ANK2: variants seen among roughly 807,000 people sequenced by gnomAD.
ANK2 encodes the protein ankyrin-2.
In ANK2, 83 loss-of-function variants were observed where a neutral mutation model predicts 360.5. That is an observed-to-expected ratio of 0.23 (90% CI 0.19 to 0.28). ANK2 has a LOEUF of 0.28. Among genes scored for constraint, ANK2 ranks in the 10% least tolerant of loss-of-function variants. The probability of loss-of-function intolerance (pLI) is 1.00; values close to 1 mark genes in which losing one functional copy is unlikely to be tolerated. For synonymous variants in ANK2, 1,740 were observed against 1,759.5 expected (o/e 0.99, Z 0.28); for missense variants, 4,201 against 4,795.7 (o/e 0.88, Z 3.66).
At chr4:113,029,229 G>A (rs1388285080) in intron 2 of ANK2, among the ~76,000 whole-genome samples, 3 of 151,788 alleles carry the variant, frequency 2.0e-5, no homozygotes, top group African/African-American at 7.3e-5. Context: ...AGGAGGATTC[G>A]TTTTTTGTTT....
chr4:112,957,426 A>G lies in ANK2; in HGVS notation c.21+52912A>G, dbSNP rs1201737591. 3.9e-5 allele frequency among the ~76,000 whole-genome samples: 6 copies of G among 152,226 alleles called. No individual in the cohort carries two copies. The South Asian group carries it at 1.2e-3, about 31-fold the overall frequency. Reference sequence around the variant, plus strand: ...CCCATGTCTACTTCTTTCTACACATACACAGCAACCATCCGATTTCTCAAT... The same window carrying G: ...CCCATGTCTACTTCTTTCTACACATGCACAGCAACCATCCGATTTCTCAAT... On this transcript the variant is annotated intron_variant, in intron 2 of 30. Transcript: ENST00000503271.
chr4:113,268,492 T>A (rs1470384030), intron 14 of ANK2, among the ~76,000 whole-genome samples: 4 of 152,198 alleles, frequency 2.6e-5, no homozygotes, highest in Non-Finnish European at 5.9e-5. Context: ...TTTTTCTACA[T>A]CTATTGAGAT....
At chr4:113,145,656 G>T in intron 1 of ANK2, 1 of 1,122,922 alleles carries the variant, frequency 8.9e-7, no homozygotes, top group Non-Finnish European at 1.1e-6. Flanking sequence ...GTCACTGAAT[G>T]CAGCCTGCAG....
At chr4:112,789,126 A>T in the ANK2 span, among the ~76,000 whole-genome samples, 1 of 152,144 alleles carries the variant, frequency 6.6e-6, no homozygotes, top group African/African-American at 2.4e-5. Flanking sequence ...TACTCTCATA[A>T]AGAAGTTGTT....
At chr4:112,882,674 C>T (rs1427907825) in intron 1 of ANK2, among the ~76,000 whole-genome samples, 1 of 151,242 alleles carries the variant, frequency 6.6e-6, no homozygotes, top group African/African-American at 2.4e-5. Flanking sequence ...TAAGCCAAAA[C>T]GCCAGGTTTA....
intron 22 of ANK2, among the ~76,000 whole-genome samples, chr4:113,295,622 G>A (rs1312011879): frequency 1.3e-5 from 2 of 152,066 alleles, no homozygotes; most frequent in African/African-American, 4.8e-5. Flanking sequence ...CTGTAGCTGA[G>A]CATTGCTCCA....
rs570767132 is a variant in ANK2, at chr4:113,005,462, T to G, written c.21+100948T>G. On this transcript the variant is annotated intron_variant, in intron 2 of 30. Transcript: ENST00000503271. ...ATGGACAGAACTGGAGGTCATTAGGTTAAGTGAAATAAGTCAGGCACAAAA... is the reference window on the plus strand; with the variant it reads ...ATGGACAGAACTGGAGGTCATTAGGGTAAGTGAAATAAGTCAGGCACAAAA... 1.2e-4 allele frequency among the ~76,000 whole-genome samples: 18 copies of G among 152,212 alleles called. No homozygotes were observed. In the South Asian group the frequency reaches 3.7e-3, roughly 32 times the overall value.
chr4:113,144,935 A>C (rs1029217316), intron 1 of ANK2, among the ~76,000 whole-genome samples: 1 of 151,752 alleles, frequency 6.6e-6, no homozygotes, highest in African/African-American at 2.4e-5. Flanking sequence ...TTCATACAGC[A>C]TATCTAATGT....
At chr4:112,914,195 C>A (rs149595603) in intron 2 of ANK2, among the ~76,000 whole-genome samples, 6 of 152,090 alleles carry the variant, frequency 3.9e-5, no homozygotes, top group Admixed American at 2.6e-4. Flanking sequence ...CTGTAATTTA[C>A]GTATCTAAAT....
At chr4:113,299,565 C>A (rs745657301) in intron 22 of ANK2, among the ~76,000 whole-genome samples, 2 of 151,998 alleles carry the variant, frequency 1.3e-5, no homozygotes, top group African/African-American at 4.8e-5. Context: ...ATGAGCCAGG[C>A]GTGCTGGTGC....
intron 1 of ANK2, among the ~76,000 whole-genome samples, chr4:113,059,695 G>C (rs72671578): frequency 0.087 from 13,294 of 152,014 alleles, 642 homozygotes; most frequent in East Asian, 0.15. Context: ...ATGTGAATTA[G>C]CCATTTGTTT....
At chr4:113,106,672 GTGT>G (rs2093664678) in intron 1 of ANK2, among the ~76,000 whole-genome samples, 2 of 152,176 alleles carry the variant, frequency 1.3e-5, no homozygotes, top group African/African-American at 4.8e-5. Context: ...GTGGTTGTAT[GTGT>G]TGTTAGTTTG....
At chr4:113,019,849 G>A (rs1272851091) in intron 2 of ANK2, among the ~76,000 whole-genome samples, 2 of 150,794 alleles carry the variant, frequency 1.3e-5, no homozygotes, top group South Asian at 2.1e-4. Context: ...ATCTGAATAT[G>A]TTTACATTGG....
intron 23 of ANK2, among the ~76,000 whole-genome samples, chr4:113,310,439 A>T (rs917718090): frequency 1.3e-4 from 19 of 151,104 alleles, no homozygotes; most frequent in African/African-American, 4.6e-4. Context: ...TTTTTTTTAG[A>T]TGAGTCTCAC....
At chr4:113,127,276 G>C (rs1266732499) in intron 1 of ANK2, among the ~76,000 whole-genome samples, 3 of 152,004 alleles carry the variant, frequency 2.0e-5, no homozygotes, top group Non-Finnish European at 4.4e-5. Flanking sequence ...TTGGATGGAA[G>C]AATTATTTGT....
chr4:112,854,307 G>T lies in ANK2; in HGVS notation c.-40+36043G>T, dbSNP rs940128542. Among the ~76,000 whole-genome samples, 6 of 152,308 alleles carry T rather than the reference G, an allele frequency of 3.9e-5. No homozygotes were observed. The East Asian group carries it at 1.2e-3, about 29-fold the overall frequency. On this transcript the variant is annotated intron_variant, in intron 1 of 30. Coordinates refer to the ANK2 transcript ENST00000503271. Reference sequence around the variant, plus strand: ...GGATCTTTCGGAGGAAAATATGTGAGTGAAAGACCAAAAATTGACGAAACA... The same window carrying T: ...GGATCTTTCGGAGGAAAATATGTGATTGAAAGACCAAAAATTGACGAAACA...
chr4:112,799,280 A>G, the ANK2 span, among the ~76,000 whole-genome samples: 75 of 152,280 alleles, frequency 4.9e-4, no homozygotes, highest in African/African-American at 1.7e-3. Context: ...CTGCATGAAC[A>G]TGGGTACACA....
intron 1 of ANK2, among the ~76,000 whole-genome samples, chr4:113,115,798 A>G (rs182205961): frequency 1.3e-5 from 2 of 152,214 alleles, no homozygotes; most frequent in Non-Finnish European, 2.9e-5. Context: ...ATTTTCTAGG[A>G]GAGCATTTTT....
At chr4:112,869,005 G>T (rs898440377) in intron 1 of ANK2, among the ~76,000 whole-genome samples, 2 of 151,622 alleles carry the variant, frequency 1.3e-5, no homozygotes, top group African/African-American at 4.8e-5. Flanking sequence ...CTGTCACCTA[G>T]GCTGGAGTGC....
Sources: allele counts gnomAD v4.1 joint callset (sites outside exome capture counted in the v4.1 genomes callset), GRCh38; gene constraint gnomAD v4.1.1; transcripts MANE v1.5; gene names NCBI Gene and HGNC (gene_info 2026-07-23, HGNC 2026-07-21).